ANKRD28: variants seen among roughly 807,000 people sequenced by gnomAD.
The protein encoded by ANKRD28 is serine/threonine-protein phosphatase 6 regulatory ankyrin repeat subunit A.
In ANKRD28, 44 loss-of-function variants were observed where a neutral mutation model predicts 126.5. The ratio of observed to expected loss-of-function variants is 0.35; its 90% CI spans 0.27 to 0.45. The LOEUF (loss-of-function observed/expected upper bound fraction) is 0.45. Among genes scored for constraint, ANKRD28 ranks in the 20% least tolerant of loss-of-function variants. ANKRD28 has a pLI of 1.00. For synonymous variants in ANKRD28, 442 were observed against 468.5 expected, an observed-to-expected ratio of 0.94 and a Z score of 0.73; for missense variants, 1,110 against 1,316.6, an observed-to-expected ratio of 0.84 and a Z score of 2.43.
chr3:15,825,308 C>T (rs1019919542), intron 1 of ANKRD28, among the ~76,000 whole-genome samples: 5 of 152,158 alleles, frequency 3.3e-5, no homozygotes, highest in Non-Finnish European at 7.3e-5. Flanking sequence ...GAAACATCTG[C>T]CTTTTCTGGA....
rs1223777790 is a variant in ANKRD28 at position 15,668,476 on chromosome 3, AAAGAT to A, written c.*1789_*1793del. The A allele has an allele frequency of 6.6e-6, 1 of 152,572 alleles. No individual in the cohort carries two copies. The highest frequency in any genetic ancestry group is 1.9e-4 in the East Asian group (1 of 5,198). 9.5% of individuals were successfully genotyped at this position (152,572 alleles called of 1,614,324 possible). On this transcript the variant is annotated 3_prime_UTR_variant, in exon 28 of 28. Transcript: ENST00000683139. ...TTATGACTTCTTTATATTATAAAGA[AAAGAT>A]GGGGGATTAGATTTATAATTTCTGT...
At chr3:15,743,599 C>A (rs78371219) in intron 4 of ANKRD28, among the ~76,000 whole-genome samples, 1 of 147,122 alleles carries the variant, frequency 6.8e-6, no homozygotes, top group Non-Finnish European at 1.5e-5. Flanking sequence ...CACACGCACA[C>A]CAAAAACAAA....
At chr3:15,859,371 A>C in intron 1 of ANKRD28, 3 of 1,527,736 alleles carry the variant, frequency 2.0e-6, no homozygotes, top group South Asian at 1.2e-5. Context: ...GCAGCCCCTC[A>C]CCTACCTGGT....
intron 1 of ANKRD28, among the ~76,000 whole-genome samples, chr3:15,856,914 C>T (rs2061782655): frequency 6.6e-6 from 1 of 152,240 alleles, no homozygotes; most frequent in Non-Finnish European, 1.5e-5. Context: ...CATTCTACTA[C>T]TTCCTATGTC....
chr3:15,741,791 A>T (rs550525676), intron 4 of ANKRD28, among the ~76,000 whole-genome samples: 1 of 133,782 alleles, frequency 7.5e-6, no homozygotes, highest in South Asian at 2.4e-4. Flanking sequence ...AGGGCTTAAC[A>T]TATTTGCAGG....
intron 14 of ANKRD28, among the ~76,000 whole-genome samples, chr3:15,698,507 A>T (rs986849670): frequency 2.6e-5 from 4 of 152,254 alleles, no homozygotes; most frequent in African/African-American, 9.6e-5. Flanking sequence ...TCTCAGCTCA[A>T]AATCTCCTTA....
At chr3:15,710,642 T>C (rs1240382122) in intron 12 of ANKRD28, among the ~76,000 whole-genome samples, 1 of 152,186 alleles carries the variant, frequency 6.6e-6, no homozygotes, top group African/African-American at 2.4e-5. Flanking sequence ...AGATCTAAAT[T>C]ATCAGAAGCA....
intron 1 of ANKRD28, among the ~76,000 whole-genome samples, chr3:15,850,420 G>A (rs1257988209): frequency 6.6e-6 from 1 of 151,914 alleles, no homozygotes; most frequent in East Asian, 1.9e-4. Flanking sequence ...AAACAGAAAT[G>A]TATTCTCTCA....
chr3:15,676,883 C>T, intron 26 of ANKRD28, 91 bp downstream of exon 26: 1 of 1,026,206 alleles, frequency 9.7e-7, no homozygotes, highest in South Asian at 1.5e-5. Context: ...CTAATGAAAC[C>T]TATTCCAATA....
Position 15,711,691 on chromosome 3 carries a change from T to C in ANKRD28, c.1274-417A>G, listed in dbSNP as rs986983964. Among the ~76,000 whole-genome samples, 12 of 151,900 alleles carry C rather than the reference T, an allele frequency of 7.9e-5. No individual in the cohort carries two copies. The South Asian group carries it at 1.0e-3, about 13-fold the overall frequency. The stretch of plus-strand genomic sequence containing the variant: ...TAACAGGGGATGAAGAGGTTTTCTG[T>C]ATTTTTTTTTTTTGAGACAGAGTCT... On this transcript the variant is annotated intron_variant, in intron 11 of 27. Coordinates refer to ENST00000683139, the MANE Select transcript of ANKRD28 (RefSeq NM_001349278.2).
chr3:15,832,758 T>A (rs1380705517), intron 1 of ANKRD28, among the ~76,000 whole-genome samples: 1 of 152,204 alleles, frequency 6.6e-6, no homozygotes, highest in African/African-American at 2.4e-5. Context: ...TCCAATTCCA[T>A]CCATGTTTGC....
At chr3:15,794,326 A>AC (rs1559544302) in intron 2 of ANKRD28, among the ~76,000 whole-genome samples, 1 of 86,346 alleles carries the variant, frequency 1.2e-5, no homozygotes, top group Non-Finnish European at 2.8e-5. Flanking sequence ...GCAGTATTAT[A>AC]TTAAAAAAAA....
intron 1 of ANKRD28, among the ~76,000 whole-genome samples, chr3:15,836,449 C>G (rs1421555432): frequency 1.3e-5 from 2 of 151,740 alleles, no homozygotes; most frequent in Admixed American, 6.6e-5. Context: ...GTATAGAAAA[C>G]AAATAGCAAC....
intron 1 of ANKRD28, among the ~76,000 whole-genome samples, chr3:15,840,941 G>GACA (rs1294363232): frequency 6.6e-6 from 1 of 152,166 alleles, no homozygotes; most frequent in African/African-American, 2.4e-5. Context: ...AGGAGTTTGA[G>GACA]ACAAGCCTGG....
intron 4 of ANKRD28, among the ~76,000 whole-genome samples, chr3:15,744,147 CT>C (rs894550818): frequency 7.9e-5 from 12 of 152,174 alleles, no homozygotes; most frequent in Non-Finnish European, 2.9e-5. Context: ...ACACTAATGA[CT>C]AGGTTTTCTA....
intron 4 of ANKRD28, 24 bp downstream of exon 4, chr3:15,751,726 T>C (rs1372176897): frequency 1.4e-6 from 2 of 1,480,212 alleles, no homozygotes; most frequent in Non-Finnish European, 1.8e-6. Flanking sequence ...ATATAAAACA[T>C]ATTTACTAAG....
In ANKRD28 at chr3:15,803,800, G is replaced by C. The variant is rs1026251845; in HGVS notation, c.28-8494C>G. 3.5e-5 allele frequency among the ~76,000 whole-genome samples: 5 copies of C among 143,754 alleles called. 1 individual carries two copies. The highest frequency in any genetic ancestry group is 7.5e-5 in the Non-Finnish European group (5 of 66,906). The allele number at this position is 143,754 out of a possible 152,430, so 94.3% of individuals were successfully genotyped here. ...TTAGTTTCCAAATTTATACAATGAA[G>C]AATGTTACTTGTTACATCAATATCT... On this transcript the variant is annotated intron_variant, in intron 1 of 27. Transcript: ENST00000399451.
Position 15,726,593 on chromosome 3 carries a change from T to C in ANKRD28, c.641-2069A>G, listed in dbSNP as rs556358424. On this transcript the variant is annotated intron_variant, in intron 6 of 27. Transcript: ENST00000683139. ...ATTCATGAGGTTTAACGAAAAAAGATGTCCCTGTAACAAAAGTGCAATGTG... is the reference window on the plus strand; with the variant it reads ...ATTCATGAGGTTTAACGAAAAAAGACGTCCCTGTAACAAAAGTGCAATGTG... 7.9e-5 allele frequency among the ~76,000 whole-genome samples: 12 copies of C among 152,356 alleles called. No homozygotes were observed. The South Asian group carries it at 2.3e-3, about 29-fold the overall frequency.
At chr3:15,831,738 T>C (rs760684102) in intron 1 of ANKRD28, among the ~76,000 whole-genome samples, 2 of 152,216 alleles carry the variant, frequency 1.3e-5, no homozygotes, top group African/African-American at 2.4e-5. Context: ...CAATTGCACA[T>C]TCTGAGTTCT....
Sources: allele counts gnomAD v4.1 joint callset (sites outside exome capture counted in the v4.1 genomes callset), GRCh38; gene constraint gnomAD v4.1.1; transcripts MANE v1.5; gene names NCBI Gene and HGNC (gene_info 2026-07-23, HGNC 2026-07-21).